Variants in KLRD1 observed in about 807,000 individuals in gnomAD.
KLRD1 encodes natural killer cells antigen CD94.
Under a neutral mutation model 22.6 loss-of-function variants are expected in KLRD1, and 21 were observed. The observed-to-expected ratio is 0.93, with a 90% CI of 0.66 to 1.34. The LOEUF (loss-of-function observed/expected upper bound fraction) is 1.34, where lower values mean the gene tolerates loss of function less well. Among genes scored for constraint, KLRD1 ranks in the 40% most tolerant of loss-of-function variants. KLRD1 has a pLI of 0.00. For synonymous variants in KLRD1, 59 were observed against 71.1 expected, an observed-to-expected ratio of 0.83 and a Z score of 0.85; for missense variants, 183 against 208.6, an observed-to-expected ratio of 0.88 and a Z score of 0.76.
intron 1 of KLRD1, among the ~76,000 whole-genome samples, chr12:10,299,368 A>G (rs1949848444): frequency 6.6e-6 from 1 of 152,164 alleles, no homozygotes. Context: ...CTTTGGGTGC[A>G]GGAAATGCAT....
intron 1 of KLRD1, among the ~76,000 whole-genome samples, chr12:10,294,695 C>T (rs1949807080): frequency 6.6e-6 from 1 of 152,148 alleles, no homozygotes; most frequent in Admixed American, 6.5e-5. Context: ...GCCACTGCAC[C>T]CGGCCCCCAT....
chr12:10,314,226 C>G (rs1330731514), intron 5 of KLRD1, among the ~76,000 whole-genome samples: 1 of 152,138 alleles, frequency 6.6e-6, no homozygotes, highest in African/African-American at 2.4e-5. Flanking sequence ...CCAATATTCT[C>G]AGCATGCTCT....
chr12:10,291,279 A>G (rs900293075), intron 1 of KLRD1, among the ~76,000 whole-genome samples: 4 of 152,134 alleles, frequency 2.6e-5, no homozygotes, highest in African/African-American at 9.7e-5. Flanking sequence ...CTGGGGTGAC[A>G]GTGGCAATTT....
At chr12:10,258,975 C>T (rs141494451) in intron 1 of KLRD1, among the ~76,000 whole-genome samples, 1 of 152,220 alleles carries the variant, frequency 6.6e-6, no homozygotes, top group East Asian at 1.9e-4. Context: ...GAGCAATGAG[C>T]AGAGATAAAT....
At chr12:10,255,165 C>T (rs1432074042) in intron 1 of KLRD1, among the ~76,000 whole-genome samples, 3 of 152,086 alleles carry the variant, frequency 2.0e-5, no homozygotes, top group African/African-American at 7.2e-5. Flanking sequence ...TTAGTTCAAC[C>T]CTTGTGGAAA....
upstream of KLRD1, chr12:10,307,842 T>G: frequency 1.9e-6 from 1 of 517,466 alleles, no homozygotes; most frequent in African/African-American, 1.9e-5. Context: ...CTGGAACACT[T>G]CAGAGGCTTG....
intron 1 of KLRD1, among the ~76,000 whole-genome samples, chr12:10,274,234 C>T (rs896086088): frequency 2.0e-5 from 3 of 152,018 alleles, no homozygotes; most frequent in African/African-American, 4.8e-5. Context: ...GAGCTGAGAT[C>T]GCGCCATTGC....
Position 10,311,603 on chromosome 12 carries a change from C to T in KLRD1, c.303C>T (p.Asn101=), listed in dbSNP as rs748656505. The change falls in exon 4 of 6, where the codon AAC becomes AAT. Residue 101 remains asparagine (N), a synonymous_variant. Transcript: ENST00000336164. ...SQKSSLLQLQ[N]TDELDFMSSS... The stretch of plus-strand genomic sequence containing the variant: ...AATCCAGCCTGCTTCAGCTTCAAAA[C>T]ACAGATGAACTGGCATGTGCTGAGT... 26 of 1,613,976 alleles carry T rather than the reference C, an allele frequency of 1.6e-5. No individual in the cohort carries two copies. The highest frequency in any genetic ancestry group is 2.7e-5 in the African/African-American group (2 of 74,942).
intron 1 of KLRD1, among the ~76,000 whole-genome samples, chr12:10,244,708 G>C (rs1949274344): frequency 6.6e-6 from 1 of 152,012 alleles, no homozygotes; most frequent in Admixed American, 6.6e-5. Flanking sequence ...ACTTGAACCT[G>C]GGAGGCAGGG....
chr12:10,239,469 C>CCTTCTTTCCTTATT lies in KLRD1; in HGVS notation c.-101+13240_-101+13241insTTTCCTTATTCTTC, dbSNP rs1555098486. Among the ~76,000 whole-genome samples the CCTTCTTTCCTTATT allele has an allele frequency of 1.9e-3, 234 of 122,314 alleles. 17 individuals carry two copies. The East Asian group carries it at 0.025, about 13-fold the overall frequency. The allele number at this position is 122,314 out of a possible 152,430, so 80.2% of individuals were successfully genotyped here. The stretch of plus-strand genomic sequence containing the variant: ...TCCTTCCTTCCTTCCTTCCTTCCTT[C>CCTTCTTTCCTTATT]CTTCCTTCCTTCCTTCTTCCTTCCT... On this transcript the variant is annotated intron_variant, in intron 1 of 5. Transcript: ENST00000544747.
chr12:10,309,370 G>A lies in KLRD1; in HGVS notation c.8-18G>A, dbSNP rs772141986. ...AGTTTGCTCTTTAAGTCATTACTCT[G>A]TCTGTCTTTCTCTACAGTGTTTAAG... On this transcript the variant is annotated intron_variant, in intron 1 of 5. Coordinates refer to ENST00000336164, the MANE Select transcript of KLRD1 (RefSeq NM_002262.5). 4.3e-6 allele frequency: 5 copies of A among 1,156,256 alleles called. No individual in the cohort carries two copies. Among genetic ancestry groups the A allele is most frequent in the Admixed American group, 3.5e-5 (2 of 56,688 alleles). 71.6% of individuals were successfully genotyped at this position (1,156,256 alleles called of 1,614,324 possible).
At chr12:10,301,346 A>T (rs138022218), upstream of KLRD1, among the ~76,000 whole-genome samples, 1 of 152,160 alleles carries the variant, frequency 6.6e-6, no homozygotes, top group Non-Finnish European at 1.5e-5. Flanking sequence ...AAAACCACCA[A>T]TGCCACCCAG....
chr12:10,289,137 G>A (rs1949740783), intron 1 of KLRD1, among the ~76,000 whole-genome samples: 1 of 152,168 alleles, frequency 6.6e-6, no homozygotes, highest in Admixed American at 6.5e-5. Flanking sequence ...CATTACGCGG[G>A]CTTTGGAATT....
chr12:10,314,832 A>T lies in KLRD1; in HGVS notation c.*39A>T. The T allele has an allele frequency of 6.5e-7, 1 of 1,548,584 alleles. No homozygotes were observed. Among genetic ancestry groups the T allele is most frequent in the East Asian group, 2.3e-5 (1 of 43,976 alleles). On this transcript the variant is annotated 3_prime_UTR_variant, in exon 6 of 6. Coordinates refer to ENST00000336164, the MANE Select transcript of KLRD1 (RefSeq NM_002262.5). ...CAGAGAAGGTGGAGAGTAAAGACCC[A>T]ACATTACTAACAATGATACAGTTGC...
In KLRD1 at chr12:10,318,011, T is replaced by A. The variant is rs1237155388; in HGVS notation, c.*3218T>A. 1 of 152,104 alleles carries A rather than the reference T, an allele frequency of 6.6e-6. No homozygotes were observed. Among genetic ancestry groups the A allele is most frequent in the African/African-American group, 2.4e-5 (1 of 41,410 alleles). 9.4% of individuals were successfully genotyped at this position (152,104 alleles called of 1,614,324 possible). On this transcript the variant is annotated 3_prime_UTR_variant, in exon 6 of 6. Transcript: ENST00000336164. ...TAACTACCCCCATGATTAAATTACC[T>A]CCTACCAGTTCCCTCACATGATACG... is the stretch of plus-strand genomic sequence containing the variant.
At chr12:10,265,431 C>G (rs1949489865) in intron 1 of KLRD1, among the ~76,000 whole-genome samples, 1 of 152,146 alleles carries the variant, frequency 6.6e-6, no homozygotes, top group Non-Finnish European at 1.5e-5. Flanking sequence ...TGAAACAGCA[C>G]AACATCATTA....
chr12:10,241,037 GGC>G (rs1949236868), intron 1 of KLRD1, among the ~76,000 whole-genome samples: 1 of 151,954 alleles, frequency 6.6e-6, no homozygotes, highest in Non-Finnish European at 1.5e-5. Flanking sequence ...TTTTATGAGG[GGC>G]AAAAAGCCCT....
intron 1 of KLRD1, among the ~76,000 whole-genome samples, chr12:10,278,951 C>CT (rs1167243705): frequency 0.058 from 4,358 of 75,684 alleles, 241 homozygotes; most frequent in African/African-American, 0.18. Context: ...TTTTACAATT[C>CT]TTTTTTTTTT....
At chr12:10,243,607 CAAAA>C (rs34864670) in intron 1 of KLRD1, among the ~76,000 whole-genome samples, 23 of 28,808 alleles carry the variant, frequency 8.0e-4, no homozygotes, top group South Asian at 6.2e-3. Flanking sequence ...AGTGAGACTC[CAAAA>C]AAAAAAAAAA....
Sources: gnomAD v4.1 joint callset for allele counts (sites outside exome capture counted in the v4.1 genomes callset) on GRCh38, gnomAD v4.1.1 for gene constraint, MANE v1.5 for transcripts, NCBI Gene and HGNC (gene_info 2026-07-23, HGNC 2026-07-21) for gene names.